Variants in COL22A1 observed in about 807,000 individuals in gnomAD.
COL22A1 encodes collagen type XXII alpha 1 chain, also known as collagen alpha-1(XXII) chain.
In COL22A1, 221 loss-of-function variants were observed where a neutral mutation model predicts 248.9. The observed-to-expected ratio is 0.89, with a 90% CI of 0.80 to 0.99. The LOEUF is 0.99. Ranked by LOEUF, COL22A1 falls within the 50% of genes least tolerant of loss-of-function variation. The pLI is 0.00. For synonymous variants in COL22A1, 891 were observed against 793.4 expected (o/e 1.12, Z -2.07); for missense variants, 2,240 against 2,179.0 (o/e 1.03, Z -0.56).
rs146728266 is a variant in COL22A1, at chr8:138,727,655, T to C, written c.2140-2215A>G. Among the ~76,000 whole-genome samples, 317 of 152,200 alleles carry C rather than the reference T, an allele frequency of 2.1e-3. 3 individuals carry two copies. Among genetic ancestry groups the C allele is most frequent in the African/African-American group, 7.2e-3 (300 of 41,546 alleles). Reference sequence around the variant, plus strand: ...GCACCCGTGAGTCAGAAAACAGGCATAGACCAGGACCATTTACTGAACAGG... The same window carrying C: ...GCACCCGTGAGTCAGAAAACAGGCACAGACCAGGACCATTTACTGAACAGG... On this transcript the variant is annotated intron_variant, in intron 23 of 64. Transcript: ENST00000303045.
chr8:138,724,255 C>T (rs915657934), intron 25 of COL22A1, among the ~76,000 whole-genome samples: 8 of 152,172 alleles, frequency 5.3e-5, no homozygotes, highest in East Asian at 3.9e-4. Flanking sequence ...CACAGCTCCC[C>T]GCCTGTTGCT....
chr8:138,743,441 ATGG>A (rs1831857472), intron 22 of COL22A1, among the ~76,000 whole-genome samples: 1 of 151,248 alleles, frequency 6.6e-6, no homozygotes, highest in African/African-American at 2.4e-5. Flanking sequence ...CATGATGGTG[ATGG>A]TGGAGTTGAT....
chr8:138,874,376 C>T (rs963026027), intron 3 of COL22A1, among the ~76,000 whole-genome samples: 13 of 152,226 alleles, frequency 8.5e-5, no homozygotes, highest in Non-Finnish European at 1.6e-4. Context: ...TAACAGCTCC[C>T]TGGTTTTCCT....
intron 16 of COL22A1, among the ~76,000 whole-genome samples, chr8:138,764,546 C>T (rs925456150): frequency 6.6e-6 from 1 of 152,260 alleles, no homozygotes; most frequent in Non-Finnish European, 1.5e-5. Flanking sequence ...GTTTGGTTTG[C>T]AGGCCCCTGG....
At chr8:138,792,600 G>T (rs530280382) in intron 12 of COL22A1, among the ~76,000 whole-genome samples, 1 of 152,354 alleles carries the variant, frequency 6.6e-6, no homozygotes, top group Non-Finnish European at 1.5e-5. Flanking sequence ...CTAACCAGGA[G>T]AATGTGCCTG....
chr8:138,695,029 T>C (rs1827395140), intron 32 of COL22A1, 150 bp from the exon 33 acceptor site: 2 of 666,688 alleles, frequency 3.0e-6, no homozygotes, highest in Non-Finnish European at 5.2e-6. Context: ...TCCCTCTGCC[T>C]GGGGGTTCTT....
intron 12 of COL22A1, among the ~76,000 whole-genome samples, chr8:138,793,041 G>T (rs1310305365): frequency 6.6e-6 from 1 of 152,198 alleles, no homozygotes; most frequent in African/African-American, 2.4e-5. Context: ...TTAGCAGGAT[G>T]CCTGGTACAT....
chr8:138,697,536 C>T (rs1827608355), intron 32 of COL22A1, among the ~76,000 whole-genome samples: 1 of 152,210 alleles, frequency 6.6e-6, no homozygotes, highest in South Asian at 2.1e-4. Context: ...CATCAAACAG[C>T]CTGCTCTGTC....
At chr8:138,887,901 T>C (rs1240947532) in intron 1 of COL22A1, among the ~76,000 whole-genome samples, 1 of 152,130 alleles carries the variant, frequency 6.6e-6, no homozygotes, top group Non-Finnish European at 1.5e-5. Flanking sequence ...TAGCATTGAG[T>C]ATTATCACTC....
In COL22A1 at chr8:138,685,270, T is replaced by C. The variant is rs149189868; in HGVS notation, c.2905A>G (p.Arg969Gly). ...EEGSPGPVGP[R>G]GDPGAPGLPG... ...AGCCCAGGAGCACCAGGATCTCCCC[T>C]GGGACCAACTGGCCCTGGGCTGCCT... Residue 969 changes from arginine (R) to glycine (G), a missense_variant, in exon 38 of 65, where the codon AGG (arginine) becomes GGG (glycine). By Grantham distance (125) the Arg-to-Gly change is moderately radical. Transcript: ENST00000303045. The C allele has an allele frequency of 2.4e-5, 39 of 1,613,854 alleles. No homozygotes were observed. The Admixed American group carries it at 6.2e-4, about 26-fold the overall frequency.
At chr8:138,703,664 C>T (rs1372671881) in intron 30 of COL22A1, among the ~76,000 whole-genome samples, 2 of 152,130 alleles carry the variant, frequency 1.3e-5, no homozygotes, top group African/African-American at 4.8e-5. Context: ...GAAGGGGGAT[C>T]CAAGGTGGCT....
At chr8:138,668,945 A>G (rs891295516) in intron 41 of COL22A1, among the ~76,000 whole-genome samples, 1 of 152,202 alleles carries the variant, frequency 6.6e-6, no homozygotes, top group Admixed American at 6.5e-5. Flanking sequence ...CAGGTAGAGA[A>G]GAGGATGAGG....
chr8:138,890,651 A>G (rs1171524904), intron 1 of COL22A1, among the ~76,000 whole-genome samples: 1 of 152,090 alleles, frequency 6.6e-6, no homozygotes, highest in East Asian at 1.9e-4. Context: ...AACCCAAATA[A>G]TACCCCCAAA....
intron 44 of COL22A1, among the ~76,000 whole-genome samples, chr8:138,659,423 A>G (rs1564155672): frequency 6.6e-6 from 1 of 152,158 alleles, no homozygotes; most frequent in East Asian, 1.9e-4. Flanking sequence ...AGCCTCTCAG[A>G]TCCATCTCAA....
chr8:138,724,555 TC>T, intron 25 of COL22A1, 59 bp downstream of exon 25: 4 of 1,522,940 alleles, frequency 2.6e-6, no homozygotes, highest in South Asian at 1.1e-5. Flanking sequence ...GGCTCAGTGC[TC>T]CCCCCAGAGC....
intron 5 of COL22A1, among the ~76,000 whole-genome samples, chr8:138,831,014 A>G (rs1426678796): frequency 6.6e-6 from 1 of 152,192 alleles, no homozygotes; most frequent in Admixed American, 6.5e-5. Flanking sequence ...GTTGGCTGAC[A>G]GCGATTATTG....
chr8:138,747,713 C>A lies in COL22A1; in HGVS notation c.2085+3745G>T, dbSNP rs117205276. 2.3e-3 allele frequency among the ~76,000 whole-genome samples: 348 copies of A among 152,338 alleles called. 1 individual carries two copies. The highest frequency in any genetic ancestry group is 4.0e-3 in the Non-Finnish European group (273 of 68,038). On this transcript the variant is annotated intron_variant, in intron 22 of 64. Coordinates refer to ENST00000303045, the MANE Select transcript of COL22A1 (RefSeq NM_152888.3). The stretch of plus-strand genomic sequence containing the variant: ...ACAGCATGAGGGCAGGAGCTTCCTT[C>A]TTCCTGAACTACTCACTTGCCTACA...
chr8:138,604,138 T>C (rs1329794869), intron 59 of COL22A1, among the ~76,000 whole-genome samples: 1 of 152,110 alleles, frequency 6.6e-6, no homozygotes, highest in African/African-American at 2.4e-5. Context: ...GAAAAGAACT[T>C]GGCACGTCTC....
intron 56 of COL22A1, among the ~76,000 whole-genome samples, chr8:138,608,865 G>A (rs1009649551): frequency 3.9e-5 from 6 of 152,168 alleles, no homozygotes; most frequent in Non-Finnish European, 5.9e-5. Flanking sequence ...TAACCCAAAG[G>A]CAGAGTCTAC....
Sources: allele counts gnomAD v4.1 joint callset (sites outside exome capture counted in the v4.1 genomes callset), GRCh38; gene constraint gnomAD v4.1.1; transcripts MANE v1.5; gene names NCBI Gene and HGNC (gene_info 2026-07-23, HGNC 2026-07-21).